Variants in RAD54L2 observed in about 807,000 individuals in gnomAD.
RAD54L2 encodes RAD54 like 2.
Under a neutral mutation model 138.4 loss-of-function variants are expected in RAD54L2, and 27 were observed. The observed-to-expected ratio is 0.20, with a 90% CI of 0.14 to 0.27. The LOEUF (loss-of-function observed/expected upper bound fraction) is 0.27. Among genes scored for constraint, RAD54L2 ranks in the 10% least tolerant of loss-of-function variants. The pLI, the probability that RAD54L2 is intolerant of heterozygous loss-of-function variation, is 1.00. For synonymous variants in RAD54L2, 644 were observed against 723.2 expected, an observed-to-expected ratio of 0.89 and a Z score of 1.76; for missense variants, 1,396 against 1,890.2, an observed-to-expected ratio of 0.74 and a Z score of 4.85.
intron 2 of RAD54L2, among the ~76,000 whole-genome samples, chr3:51,557,166 TTTGTTG>T (rs1181952026): frequency 6.7e-6 from 1 of 150,240 alleles, no homozygotes; most frequent in East Asian, 1.9e-4. Context: ...TTCCCTATTT[TTTGTTG>T]TTGTTGGCTT....
At chr3:51,607,506 T>G (rs1409734339) in intron 3 of RAD54L2, among the ~76,000 whole-genome samples, 1 of 152,250 alleles carries the variant, frequency 6.6e-6, no homozygotes, top group Non-Finnish European at 1.5e-5. Context: ...TGTCTACTTC[T>G]TTCTACACAG....
At chr3:51,621,152 T>C (rs969175483) in intron 3 of RAD54L2, among the ~76,000 whole-genome samples, 3 of 152,198 alleles carry the variant, frequency 2.0e-5, no homozygotes, top group Non-Finnish European at 2.9e-5. Flanking sequence ...GTAAAAACCA[T>C]AATCATCATG....
chr3:51,607,253 C>T (rs1187386603), intron 3 of RAD54L2, among the ~76,000 whole-genome samples: 1 of 151,480 alleles, frequency 6.6e-6, no homozygotes, highest in Non-Finnish European at 1.5e-5. Flanking sequence ...AGGGCCCTGC[C>T]GCCTTCCGCA....
At chr3:51,542,617 C>G (rs1239504334) in intron 2 of RAD54L2, among the ~76,000 whole-genome samples, 4 of 152,056 alleles carry the variant, frequency 2.6e-5, no homozygotes, top group African/African-American at 9.7e-5. Flanking sequence ...GCGCCTGCCA[C>G]CACACCCGGC....
chr3:51,615,993 A>C (rs957474635), intron 3 of RAD54L2, among the ~76,000 whole-genome samples: 5 of 152,010 alleles, frequency 3.3e-5, no homozygotes, highest in Non-Finnish European at 7.4e-5. Flanking sequence ...TTTCAAAAAA[A>C]GTTTTTTAAA....
intron 3 of RAD54L2, among the ~76,000 whole-genome samples, chr3:51,602,925 G>A (rs1050445440): frequency 6.6e-6 from 1 of 151,946 alleles, no homozygotes; most frequent in Non-Finnish European, 1.5e-5. Context: ...TGAACTCCTG[G>A]GCTGAAAGGA....
intron 2 of RAD54L2, among the ~76,000 whole-genome samples, chr3:51,585,783 C>T (rs1355727050): frequency 6.6e-6 from 1 of 152,110 alleles, no homozygotes. Flanking sequence ...CAGAGCGGTC[C>T]TCTTTAGAGT....
chr3:51,662,916 C>A lies in RAD54L2; in HGVS notation c.3900C>A (p.Ser1300=). 6.2e-7 allele frequency: 1 copy of A among 1,613,846 alleles called. No individual in the cohort carries two copies. The highest frequency in any genetic ancestry group is 8.5e-7 in the Non-Finnish European group (1 of 1,179,858). ...GCGGGTTTGCCATGCCACCCGTCTC[C>A]TTAAACCATAACCTCACCACCCCCT... ...VSGGFAMPPV[S]LNHNLTTPFT... is the part of the protein sequence containing the mutation. The change falls in exon 23 of 23, where the codon TCC becomes TCA. Residue 1300 remains serine, a synonymous_variant. Coordinates refer to ENST00000684192, the MANE Select transcript of RAD54L2 (RefSeq NM_015106.4). This position sits in a 1 kb window ranked among gnomAD's most constrained non-coding sequence, Gnocchi z 4.6.
chr3:51,604,121 T>C (rs756518683), intron 3 of RAD54L2, among the ~76,000 whole-genome samples: 4 of 152,172 alleles, frequency 2.6e-5, no homozygotes, highest in Non-Finnish European at 5.9e-5. Flanking sequence ...GTTGGTCAAA[T>C]GGATATAGAT....
intron 2 of RAD54L2, among the ~76,000 whole-genome samples, chr3:51,575,927 G>A (rs1335888217): frequency 1.3e-5 from 2 of 152,166 alleles, no homozygotes; most frequent in African/African-American, 2.4e-5. Context: ...TCTTGTGCCA[G>A]TTTTCAAAGA....
At chr3:51,592,715 C>T (rs1699865620) in intron 3 of RAD54L2, among the ~76,000 whole-genome samples, 1 of 151,944 alleles carries the variant, frequency 6.6e-6, no homozygotes, top group Admixed American at 6.6e-5. Flanking sequence ...GCTGAGATTA[C>T]AGGTGCCTGC....
intron 3 of RAD54L2, among the ~76,000 whole-genome samples, chr3:51,621,980 G>A (rs756463597): frequency 5.9e-5 from 9 of 152,202 alleles, no homozygotes; most frequent in African/African-American, 9.6e-5. Context: ...GAAGAATTCA[G>A]GGCTGTGAAG....
At position 51,637,003 on chromosome 3, in the gene RAD54L2, C is replaced by G; in HGVS notation, c.1340-158C>G. On this transcript the variant is annotated intron_variant, in intron 10 of 22. Transcript: ENST00000684192. The surrounding 1 kb of genome is among the most constrained non-coding windows in gnomAD (Gnocchi z 5.9). ...AAGTCATACCAGTCATATCCAGGAG[C>G]TTGAATGGCTGGCACCCTCTCACCA... 3.1e-6 allele frequency: 2 copies of G among 641,654 alleles called. No homozygotes were observed. Among genetic ancestry groups the G allele is most frequent in the Middle Eastern group, 6.1e-4 (2 of 3,292 alleles). 39.7% of individuals were successfully genotyped at this position (641,654 alleles called of 1,614,324 possible).
chr3:51,583,308 G>A (rs559850524), intron 2 of RAD54L2, among the ~76,000 whole-genome samples: 35 of 152,132 alleles, frequency 2.3e-4, no homozygotes, highest in Non-Finnish European at 4.1e-4. Context: ...GAAGAAAAAC[G>A]AGCCTCACAC....
At chr3:51,612,048 C>T (rs1300714131) in intron 3 of RAD54L2, among the ~76,000 whole-genome samples, 1 of 152,152 alleles carries the variant, frequency 6.6e-6, no homozygotes, top group African/African-American at 2.4e-5. Context: ...ATATGTGATT[C>T]AGCATTTATG....
At chr3:51,594,444 C>G (rs1699914835) in intron 3 of RAD54L2, among the ~76,000 whole-genome samples, 2 of 152,120 alleles carry the variant, frequency 1.3e-5, no homozygotes, top group African/African-American at 4.8e-5. Flanking sequence ...GAAACTGGGG[C>G]TCAGAAAGGT....
Position 51,663,342 on chromosome 3 carries a change from T to C in RAD54L2, c.4326T>C (p.His1442=). ...CCCAGGTGCCTCCATTTGACTCTCATGAGGTTGCCGAGGTTGGGTTCAGCT... is the reference window on the plus strand; with the variant it reads ...CCCAGGTGCCTCCATTTGACTCTCACGAGGTTGCCGAGGTTGGGTTCAGCT... The part of the protein sequence containing the change: ...LRSQVPPFDS[H]EVAEVGFSSN... The change falls in exon 23 of 23, where the codon CAT becomes CAC. Residue 1442 remains histidine (H), a synonymous_variant. Transcript: ENST00000684192. 6.2e-7 allele frequency: 1 copy of C among 1,613,236 alleles called. No homozygotes were observed. Among genetic ancestry groups the C allele is most frequent in the East Asian group, 2.2e-5 (1 of 44,846 alleles).
At chr3:51,604,630 ATAGTTGTTTGATGACTGAAT>A (rs1208881587) in intron 3 of RAD54L2, among the ~76,000 whole-genome samples, 2 of 152,176 alleles carry the variant, frequency 1.3e-5, no homozygotes, top group African/African-American at 2.4e-5. Flanking sequence ...TCTCCTTAAT[ATAGTTGTTTGATGACTGAAT>A]TAGTTTATGT....
intron 3 of RAD54L2, among the ~76,000 whole-genome samples, chr3:51,626,345 G>A (rs994931539): frequency 4.0e-5 from 6 of 150,196 alleles, no homozygotes; most frequent in African/African-American, 1.5e-4. Context: ...GCAGGCTGAG[G>A]ACAGGGGTAT....
Sources: allele counts gnomAD v4.1 joint callset (sites outside exome capture counted in the v4.1 genomes callset), GRCh38; gene constraint gnomAD v4.1.1; non-coding constraint Gnocchi (gnomAD v3.1); transcripts MANE v1.5; gene names NCBI Gene and HGNC (gene_info 2026-07-23, HGNC 2026-07-21).